Variants in GPR137 observed in about 807,000 individuals in gnomAD.
GPR137 encodes the protein integral membrane protein GPR137.
GPR137 carries 20 observed loss-of-function variants against 38.9 expected under a neutral mutation model. The ratio of observed to expected loss-of-function variants is 0.51; its 90% CI spans 0.36 to 0.75. The LOEUF is 0.75. GPR137 is among the 30% of genes least tolerant of loss of function. The probability of loss-of-function intolerance (pLI) is 0.00; values close to 1 mark genes in which losing one functional copy is unlikely to be tolerated. For missense variants in GPR137, 456 were observed against 526.4 expected (o/e 0.87, Z 1.31); for synonymous variants, 226 against 235.8 (o/e 0.96, Z 0.38).
Position 64,288,603 on chromosome 11 carries a change from A to G in GPR137, c.913A>G (p.Ser305Gly). 11 of 1,612,964 alleles carry G rather than the reference A, an allele frequency of 6.8e-6. No individual in the cohort carries two copies. The highest frequency in any genetic ancestry group is 8.5e-6 in the Non-Finnish European group (10 of 1,179,676). The change falls in exon 6 of 7, where the codon AGC becomes GGC. Residue 305 changes from serine (S) to glycine (G), a missense_variant and splice_region_variant. Transcript: ENST00000438980. The surrounding 1 kb of genome is among the most constrained non-coding windows in gnomAD (Gnocchi z 5.5). Reference sequence around the variant, plus strand: ...TATCGATGATGGCTTCCTCCCCCAGAGCACCAGCCACATCCTCAATGGGCA... The same window carrying G: ...TATCGATGATGGCTTCCTCCCCCAGGGCACCAGCCACATCCTCAATGGGCA... ...FRVHRPPQDL[S>G]TSHILNGQVF...
upstream of GPR137, among the ~76,000 whole-genome samples, chr11:64,272,189 C>G (rs1478445031): frequency 6.6e-6 from 1 of 152,060 alleles, no homozygotes; most frequent in Admixed American, 6.5e-5. Flanking sequence ...CATAGTGGCA[C>G]GTGCCTATAG....
upstream of GPR137, among the ~76,000 whole-genome samples, chr11:64,273,363 ACT>A (rs1433882185): frequency 2.0e-5 from 3 of 152,060 alleles, no homozygotes; most frequent in Non-Finnish European, 1.5e-5. Context: ...GCAGAGCGAG[ACT>A]CTGTCTCAAA....
At chr11:64,272,077 G>A (rs138321071), upstream of GPR137, among the ~76,000 whole-genome samples, 34 of 152,224 alleles carry the variant, frequency 2.2e-4, no homozygotes, top group African/African-American at 8.2e-4. Flanking sequence ...ACAAAATAAG[G>A]GCATAAGAAA....
At chr11:64,271,704 C>A, upstream of GPR137, 2 of 1,467,326 alleles carry the variant, frequency 1.4e-6, no homozygotes, top group South Asian at 1.4e-5. Flanking sequence ...CGAGCGCGAG[C>A]GGCCCCGAAA....
chr11:64,284,701 A>G (rs780777733), upstream of GPR137: 5 of 1,534,746 alleles, frequency 3.3e-6, no homozygotes, highest in South Asian at 4.8e-5. Context: ...TCCGGGCCCT[A>G]GTTGCTTGGG....
At chr11:64,272,558 T>G (rs1440177248), upstream of GPR137, among the ~76,000 whole-genome samples, 1 of 152,212 alleles carries the variant, frequency 6.6e-6, no homozygotes, top group African/African-American at 2.4e-5. Flanking sequence ...CAGAGCCTTC[T>G]CTGGAGACAG....
chr11:64,280,210 C>T (rs2033358190), upstream of GPR137, among the ~76,000 whole-genome samples: 1 of 150,504 alleles, frequency 6.6e-6, no homozygotes, highest in Non-Finnish European at 1.5e-5. Flanking sequence ...GTCCGAGCTA[C>T]TCTGGAGGCT....
At chr11:64,274,664 C>T (rs10897480), upstream of GPR137, among the ~76,000 whole-genome samples, 146,751 of 152,064 alleles carry the variant, frequency 0.97, 71,012 homozygotes, top group Middle Eastern at 1. Flanking sequence ...CTACTAAAAA[C>T]ACAAAAATTA....
Position 64,289,285 on chromosome 11 carries a change from G to A in GPR137, c.*89G>A, listed in dbSNP as rs367703845. ...AGTTTGTCTGCCGCTTCTTGCCCAGGATCCTGGGGGTCGTGGCTACCCCCT... is the reference window on the plus strand; with the variant it reads ...AGTTTGTCTGCCGCTTCTTGCCCAGAATCCTGGGGGTCGTGGCTACCCCCT... On this transcript the variant is annotated 3_prime_UTR_variant, in exon 7 of 7. Coordinates refer to ENST00000438980, the MANE Select transcript of GPR137 (RefSeq NM_001170880.2). The A allele has an allele frequency of 5.0e-6, 8 of 1,613,506 alleles. No individual in the cohort carries two copies. In the East Asian group the frequency reaches 1.8e-4, roughly 36 times the overall value.
rs754380724 is a variant in GPR137 at position 64,287,047 on chromosome 11, C to A, written c.407+33C>A. On this transcript the variant is annotated intron_variant, in intron 2 of 6. Coordinates refer to ENST00000438980, the MANE Select transcript of GPR137 (RefSeq NM_001170880.2). ...CTCGGGACACTGGTGGGCTCAGCCT[C>A]CAGGTCAGGGGCAGGTGACAGTCCC... The A allele has an allele frequency of 6.8e-6, 11 of 1,607,086 alleles. 1 individual carries two copies. The highest frequency in any genetic ancestry group is 1.7e-4 in the Middle Eastern group (1 of 6,042).
chr11:64,284,624 G>T (rs1037263072), upstream of GPR137: 10 of 1,521,922 alleles, frequency 6.6e-6, no homozygotes, highest in Admixed American at 8.1e-5. Context: ...CGGCGCACAG[G>T]TCTCACCCCA....
chr11:64,287,217 T>C, intron 2 of GPR137: 1 of 985,058 alleles, frequency 1.0e-6, no homozygotes, highest in Non-Finnish European at 1.2e-6. Flanking sequence ...TAGGAATGCT[T>C]GTGGTAGTGT....
chr11:64,271,847 C>T (rs2032651007), upstream of GPR137: 4 of 1,327,006 alleles, frequency 3.0e-6, no homozygotes, highest in East Asian at 3.0e-5. Flanking sequence ...AATCTCAGCT[C>T]CTCTAAGCCC....
rs2034037488 is a variant in GPR137 at position 64,286,302 on chromosome 11, C to T, written c.-223C>T. The T allele has an allele frequency of 5.7e-6, 8 of 1,399,584 alleles. No homozygotes were observed. The highest frequency in any genetic ancestry group is 7.4e-6 in the Non-Finnish European group (8 of 1,082,240). 86.7% of individuals were successfully genotyped at this position (1,399,584 alleles called of 1,614,324 possible). A position where few individuals can be genotyped will look rare whatever the true frequency, so the allele number is the denominator to read the frequency against. On this transcript the variant is annotated 5_prime_UTR_variant, in exon 1 of 7. Coordinates refer to ENST00000438980, the MANE Select transcript of GPR137 (RefSeq NM_001170880.2). ...TCCTGGAGAAAAGAGACTGCCCTTC[C>T]ATGCCCCTGAGTGAGGGGCCTGGGG...
In GPR137 at chr11:64,288,573, G is replaced by GT. The variant is rs771581606; in HGVS notation, c.913-29dup. On this transcript the variant is annotated intron_variant, in intron 5 of 6. Coordinates refer to ENST00000438980, the MANE Select transcript of GPR137 (RefSeq NM_001170880.2). This position sits in a 1 kb window ranked among gnomAD's most constrained non-coding sequence, Gnocchi z 5.5. ...CCTGGGAGGCCAGTGCAGGACAGGA[G>GT]TAAGTATCGATGATGGCTTCCTCCC... 1.2e-5 allele frequency: 19 copies of GT among 1,613,134 alleles called. No individual in the cohort carries two copies. The highest frequency in any genetic ancestry group is 1.6e-4 in the Middle Eastern group (1 of 6,082).
chr11:64,271,839 TCTC>T, upstream of GPR137: 2 of 1,345,908 alleles, frequency 1.5e-6, no homozygotes, highest in Non-Finnish European at 1.9e-6. Context: ...GCGACGTTAA[TCTC>T]AGCTCCTCTA....
upstream of GPR137, chr11:64,284,663 C>A (rs1315538789): frequency 1.3e-6 from 2 of 1,534,588 alleles, no homozygotes; most frequent in Non-Finnish European, 1.7e-6. Flanking sequence ...CTGACCCGGG[C>A]CTGCCGCCTC....
upstream of GPR137, chr11:64,284,169 G>T: frequency 6.4e-7 from 1 of 1,568,492 alleles, no homozygotes. Context: ...GGTGGAGGTG[G>T]TGGGGTACTT....
Position 64,288,843 on chromosome 11 carries a change from C to T in GPR137, c.1031+122C>T. The T allele has an allele frequency of 6.9e-7, 1 of 1,442,450 alleles. No individual in the cohort carries two copies. Among genetic ancestry groups the T allele is most frequent in the Non-Finnish European group, 9.1e-7 (1 of 1,103,062 alleles). The allele number at this position is 1,442,450 out of a possible 1,614,324, so 89.4% of individuals were successfully genotyped here. On this transcript the variant is annotated intron_variant, in intron 6 of 6. Transcript: ENST00000438980. The surrounding 1 kb of genome is among the most constrained non-coding windows in gnomAD (Gnocchi z 5.5). ...TCCACCCCTGCCATGGCCTTTGCTT[C>T]CCCATCTGTACTAGGTGAGGTCCCC...
Sources: gnomAD v4.1 joint callset for allele counts (sites outside exome capture counted in the v4.1 genomes callset) on GRCh38, gnomAD v4.1.1 for gene constraint, Gnocchi (gnomAD v3.1) non-coding constraint, MANE v1.5 for transcripts, NCBI Gene and HGNC (gene_info 2026-07-23, HGNC 2026-07-21) for gene names.